Variants in KCNT1 observed in about 807,000 individuals in gnomAD.
KCNT1 encodes potassium sodium-activated channel subfamily T member 1, also known as potassium channel subfamily T member 1.
Under a neutral mutation model 147.8 loss-of-function variants are expected in KCNT1, and 78 were observed. The observed-to-expected ratio is 0.53, with a 90% CI of 0.44 to 0.64. KCNT1 has a LOEUF of 0.64. KCNT1 is among the 30% of genes least tolerant of loss of function. The pLI, the probability that KCNT1 is intolerant of heterozygous loss-of-function variation, is 0.00. For synonymous variants in KCNT1, 867 were observed against 748.8 expected (o/e 1.16, Z -2.58); for missense variants, 1,419 against 1,750.3 (o/e 0.81, Z 3.38).
intron 11 of KCNT1, among the ~76,000 whole-genome samples, chr9:135,762,819 A>G (rs1412645383): frequency 6.6e-6 from 1 of 152,244 alleles, no homozygotes; most frequent in African/African-American, 2.4e-5. Context: ...TCACACCTGC[A>G]CTGCTCTTCA....
intron 2 of KCNT1, among the ~76,000 whole-genome samples, chr9:135,740,859 G>C (rs757182118): frequency 2.0e-5 from 3 of 152,022 alleles, no homozygotes; most frequent in Non-Finnish European, 2.9e-5. Context: ...GACCACCGTG[G>C]GTTTGGATGC....
intron 2 of KCNT1, among the ~76,000 whole-genome samples, chr9:135,748,187 G>A (rs1357274441): frequency 1.3e-5 from 2 of 152,098 alleles, no homozygotes; most frequent in African/African-American, 4.8e-5. Context: ...TCCCACCTCT[G>A]CCTCCCAAGT....
At chr9:135,749,281 G>T (rs1831013940) in intron 2 of KCNT1, among the ~76,000 whole-genome samples, 1 of 152,220 alleles carries the variant, frequency 6.6e-6, no homozygotes, top group African/African-American at 2.4e-5. Flanking sequence ...GGTGGCCACG[G>T]TAGGTGAGCC....
intron 28 of KCNT1, chr9:135,785,847 C>T (rs1373103896): frequency 2.3e-6 from 1 of 443,960 alleles, no homozygotes; most frequent in Admixed American, 4.2e-5. Flanking sequence ...CAGGGCAAGG[C>T]CAGGATGTGC....
In KCNT1 at chr9:135,793,478, CAG is replaced by C. The variant is rs1554783105; in HGVS notation, c.*1319_*1320del. The C allele has an allele frequency of 6.6e-6, 1 of 152,276 alleles. No homozygotes were observed. The highest frequency in any genetic ancestry group is 1.5e-5 in the Non-Finnish European group (1 of 68,098). 9.4% of individuals were successfully genotyped at this position (152,276 alleles called of 1,614,324 possible). On this transcript the variant is annotated 3_prime_UTR_variant, in exon 31 of 31. Coordinates refer to ENST00000371757, the MANE Select transcript of KCNT1 (RefSeq NM_020822.3). ...ACCCCAGGCTCTGCCCGCAGTGGCA[CAG>C]AACTCATCTGAGGCCAGTGGCTGCT...
In KCNT1 at chr9:135,730,708, G is replaced by A. The variant is rs1198574052; in HGVS notation, c.254+15988G>A. 6.6e-6 allele frequency among the ~76,000 whole-genome samples: 1 copy of A among 152,152 alleles called. No homozygotes were observed. Among genetic ancestry groups the A allele is most frequent in the South Asian group, 2.1e-4 (1 of 4,830 alleles). On this transcript the variant is annotated intron_variant, in intron 2 of 30. Coordinates refer to ENST00000371757, the MANE Select transcript of KCNT1 (RefSeq NM_020822.3). The surrounding 1 kb of genome is among the most constrained non-coding windows in gnomAD (Gnocchi z 4.7). ...TGTGCTTAAAACACTTGTGTTGGCC[G>A]GGTACGGTGGCTCACACCTGAAATC...
intron 13 of KCNT1, among the ~76,000 whole-genome samples, chr9:135,766,042 A>G (rs1462543065): frequency 6.8e-6 from 1 of 147,240 alleles, no homozygotes; most frequent in Non-Finnish European, 1.5e-5. Context: ...TGAACTGTCA[A>G]GGGTGGACCA....
chr9:135,702,800 G>A (rs1255553955), intron 1 of KCNT1, among the ~76,000 whole-genome samples: 2 of 152,102 alleles, frequency 1.3e-5, no homozygotes, highest in African/African-American at 4.8e-5. Flanking sequence ...GGTGCCCGGC[G>A]AGGTTACCCC....
At chr9:135,729,091 G>C (rs1333642084) in intron 2 of KCNT1, among the ~76,000 whole-genome samples, 2 of 152,234 alleles carry the variant, frequency 1.3e-5, no homozygotes, top group African/African-American at 2.4e-5. Context: ...TTATACAAAG[G>C]AGGAATGGGG....
At chr9:135,708,261 C>T (rs1360721558) in intron 1 of KCNT1, among the ~76,000 whole-genome samples, 6 of 152,212 alleles carry the variant, frequency 3.9e-5, no homozygotes, top group Admixed American at 6.5e-5. Flanking sequence ...TATACATATG[C>T]CCATGTACAT....
chr9:135,775,475 A>T, intron 20 of KCNT1, 60 bp downstream of exon 20: 1 of 1,249,690 alleles, frequency 8.0e-7, no homozygotes, highest in South Asian at 1.4e-5. Flanking sequence ...GGCCGTGCAT[A>T]CCTGCCCTGG....
rs1832053896 is a variant in KCNT1, at chr9:135,763,519, A to G, written c.1036-1512A>G. Among the ~76,000 whole-genome samples, 4 of 152,112 alleles carry G rather than the reference A, an allele frequency of 2.6e-5. No individual in the cohort carries two copies. In the South Asian group the frequency reaches 8.3e-4, roughly 32 times the overall value. On this transcript the variant is annotated intron_variant, in intron 11 of 30. Coordinates refer to ENST00000371757, the MANE Select transcript of KCNT1 (RefSeq NM_020822.3). ...CCCTGGAGGACAGAATCGGAAGTGGAGGGGTTGGCAGGGCTGACCCTATCA... is the reference window on the plus strand; with the variant it reads ...CCCTGGAGGACAGAATCGGAAGTGGGGGGGTTGGCAGGGCTGACCCTATCA...
rs1446988547 is a variant in KCNT1 at position 135,730,888 on chromosome 9, A to C, written c.254+16168A>C. 6.7e-6 allele frequency among the ~76,000 whole-genome samples: 1 copy of C among 148,776 alleles called. No homozygotes were observed. The highest frequency in any genetic ancestry group is 2.0e-4 in the East Asian group (1 of 4,948). On this transcript the variant is annotated intron_variant, in intron 2 of 30. Coordinates refer to ENST00000371757, the MANE Select transcript of KCNT1 (RefSeq NM_020822.3). This position sits in a 1 kb window ranked among gnomAD's most constrained non-coding sequence, Gnocchi z 4.7. The stretch of plus-strand genomic sequence containing the variant: ...GTAGTCCCAGCTACTTGGGAAGCTG[A>C]GGCAGGAGGATCACTTGAGCCCAGG...
In KCNT1 at chr9:135,794,273, G is replaced by C. The variant is rs751013076; in HGVS notation, c.*2112G>C. The C allele has an allele frequency of 1.3e-5, 2 of 152,276 alleles. No individual in the cohort carries two copies. Among genetic ancestry groups the C allele is most frequent in the Non-Finnish European group, 2.9e-5 (2 of 68,074 alleles). 9.4% of individuals were successfully genotyped at this position (152,276 alleles called of 1,614,324 possible). On this transcript the variant is annotated 3_prime_UTR_variant, in exon 31 of 31. Transcript: ENST00000371757. The stretch of plus-strand genomic sequence containing the variant: ...TCCCCTGTGGCCACTCCACCACCAT[G>C]AGGCCGGGAGGCATCTTAGCCTTTG...
At chr9:135,728,075 CAGA>C (rs1402412412) in intron 2 of KCNT1, among the ~76,000 whole-genome samples, 1 of 152,216 alleles carries the variant, frequency 6.6e-6, no homozygotes, top group Admixed American at 6.5e-5. Context: ...GATTAACAGG[CAGA>C]AGGAGATGGC....
chr9:135,723,617 C>A (rs1474369037), intron 2 of KCNT1, among the ~76,000 whole-genome samples: 3 of 152,206 alleles, frequency 2.0e-5, no homozygotes, highest in East Asian at 1.9e-4. Flanking sequence ...TCCAGAGGGA[C>A]CCTGGGGCTT....
chr9:135,705,629 G>A (rs1835220883), intron 1 of KCNT1, among the ~76,000 whole-genome samples: 1 of 152,228 alleles, frequency 6.6e-6, no homozygotes, highest in African/African-American at 2.4e-5. Flanking sequence ...TTTCAAAGGT[G>A]TCTTGGGACC....
intron 29 of KCNT1, among the ~76,000 whole-genome samples, chr9:135,787,233 G>A (rs755843770): frequency 6.6e-6 from 1 of 152,220 alleles, no homozygotes; most frequent in Non-Finnish European, 1.5e-5. Context: ...GATCCGTGCA[G>A]CCCCCTCTCT....
chr9:135,764,917 C>T, intron 11 of KCNT1, 114 bp from the exon 12 acceptor site: 1 of 1,145,720 alleles, frequency 8.7e-7, no homozygotes, highest in Non-Finnish European at 1.2e-6. Context: ...CACCCCCCGG[C>T]CGGCCCTGCC....
Sources: allele counts gnomAD v4.1 joint callset (sites outside exome capture counted in the v4.1 genomes callset), GRCh38; gene constraint gnomAD v4.1.1; non-coding constraint Gnocchi (gnomAD v3.1); transcripts MANE v1.5; gene names NCBI Gene and HGNC (gene_info 2026-07-23, HGNC 2026-07-21).